Variants in TBC1D19 observed in about 807,000 individuals in gnomAD.
The protein encoded by TBC1D19 is TBC1 domain family, member 19.
In TBC1D19, 60 loss-of-function variants were observed where a neutral mutation model predicts 89.0. That is an observed-to-expected ratio of 0.67 (90% confidence interval 0.55 to 0.84). The LOEUF is 0.84. Ranked by LOEUF, TBC1D19 falls within the 40% of genes least tolerant of loss-of-function variation. The pLI is 0.00. For synonymous variants in TBC1D19, 189 were observed against 199.7 expected (o/e 0.95, Z 0.45); for missense variants, 500 against 610.8 (o/e 0.82, Z 1.91).
At chr4:26,820,000 T>C in the TBC1D19 span, among the ~76,000 whole-genome samples, 1 of 152,218 alleles carries the variant, frequency 6.6e-6, no homozygotes, top group African/African-American at 2.4e-5. Context: ...CCATTCCTAC[T>C]CTAAAATTGC....
intron 13 of TBC1D19, among the ~76,000 whole-genome samples, chr4:26,716,774 TTTTG>T (rs1461016338): frequency 6.6e-6 from 1 of 152,064 alleles, no homozygotes; most frequent in Non-Finnish European, 1.5e-5. Flanking sequence ...CTGTTTCCCC[TTTTG>T]TTTATCATCT....
chr4:26,716,464 A>G (rs1034368296), intron 13 of TBC1D19, among the ~76,000 whole-genome samples: 31 of 152,146 alleles, frequency 2.0e-4, no homozygotes, highest in African/African-American at 7.0e-4. Context: ...CAGTTTTTGG[A>G]ATTTAAATAA....
At chr4:26,646,035 A>C (rs1489767333) in intron 7 of TBC1D19, among the ~76,000 whole-genome samples, 2 of 148,862 alleles carry the variant, frequency 1.3e-5, no homozygotes, top group Admixed American at 6.7e-5. Context: ...AGGCAGGAGA[A>C]TGGCGTGACC....
At chr4:26,686,790 A>T (rs1666019565) in intron 12 of TBC1D19, among the ~76,000 whole-genome samples, 1 of 152,190 alleles carries the variant, frequency 6.6e-6, no homozygotes, top group East Asian at 1.9e-4. Flanking sequence ...CTGTGTCATT[A>T]TGGTTTTTTC....
At chr4:26,835,501 G>T in the TBC1D19 span, among the ~76,000 whole-genome samples, 1 of 152,126 alleles carries the variant, frequency 6.6e-6, no homozygotes, top group African/African-American at 2.4e-5. Flanking sequence ...CTACATTTTC[G>T]ATCTCAGCAG....
chr4:26,724,300 T>C (rs1717163237), intron 15 of TBC1D19, among the ~76,000 whole-genome samples: 1 of 152,198 alleles, frequency 6.6e-6, no homozygotes, highest in Non-Finnish European at 1.5e-5. Context: ...ATTATTTTTT[T>C]TCCTGTGAAT....
downstream of TBC1D19, among the ~76,000 whole-genome samples, chr4:26,759,380 A>G (rs984934859): frequency 2.0e-5 from 3 of 152,216 alleles, no homozygotes; most frequent in Non-Finnish European, 4.4e-5. Context: ...AAAAGGAAAG[A>G]ATATTTTCAG....
intron 12 of TBC1D19, among the ~76,000 whole-genome samples, chr4:26,684,173 G>A (rs1713605132): frequency 1.3e-5 from 2 of 152,006 alleles, no homozygotes; most frequent in African/African-American, 4.8e-5. Flanking sequence ...CTAGACATAT[G>A]GCTAAGTATA....
intron 15 of TBC1D19, among the ~76,000 whole-genome samples, chr4:26,729,144 A>G (rs1419320622): frequency 6.6e-6 from 1 of 152,254 alleles, no homozygotes; most frequent in Non-Finnish European, 1.5e-5. Context: ...GAGTTAGATA[A>G]TACATCAGAG....
the TBC1D19 span, among the ~76,000 whole-genome samples, chr4:26,791,243 A>G: frequency 6.6e-6 from 1 of 152,200 alleles, no homozygotes; most frequent in Non-Finnish European, 1.5e-5. Context: ...GTGGAGGAGA[A>G]TAAACAGCAC....
chr4:26,643,187 C>T (rs186423740), intron 7 of TBC1D19, among the ~76,000 whole-genome samples: 3 of 152,190 alleles, frequency 2.0e-5, no homozygotes, highest in Non-Finnish European at 2.9e-5. Flanking sequence ...GTAAAGCACT[C>T]CTCAGCAAAT....
intron 1 of TBC1D19, among the ~76,000 whole-genome samples, chr4:26,600,360 G>A (rs565697965): frequency 6.6e-6 from 1 of 152,278 alleles, no homozygotes; most frequent in South Asian, 2.1e-4. Context: ...GAATAATGGT[G>A]TACAGGATTA....
the TBC1D19 span, among the ~76,000 whole-genome samples, chr4:26,816,185 T>C: frequency 4.9e-4 from 75 of 152,300 alleles, no homozygotes; most frequent in African/African-American, 1.3e-3. Context: ...AAACTTTACC[T>C]ATAAAAACAG....
At chr4:26,603,035 A>C (rs1740737751) in intron 1 of TBC1D19, among the ~76,000 whole-genome samples, 1 of 152,170 alleles carries the variant, frequency 6.6e-6, no homozygotes, top group African/African-American at 2.4e-5. Flanking sequence ...GACTGACAAA[A>C]AATTATTGTT....
intron 15 of TBC1D19, among the ~76,000 whole-genome samples, chr4:26,723,016 A>AG (rs1055534221): frequency 2.6e-4 from 39 of 152,302 alleles, no homozygotes; most frequent in African/African-American, 8.9e-4. Flanking sequence ...AAGAAAGGAA[A>AG]GTAGTTAATG....
chr4:26,592,931 T>C (rs997892843), intron 1 of TBC1D19, among the ~76,000 whole-genome samples: 7 of 152,002 alleles, frequency 4.6e-5, no homozygotes, highest in Non-Finnish European at 1.0e-4. Context: ...ATTTATAGAT[T>C]CAATGCCATC....
chr4:26,627,237 G>A (rs1230586751), intron 4 of TBC1D19, among the ~76,000 whole-genome samples: 1 of 151,758 alleles, frequency 6.6e-6, no homozygotes, highest in Admixed American at 6.6e-5. Flanking sequence ...TTTTATGGCT[G>A]CATAGTATTC....
chr4:26,582,856 T>G (rs1739144650), upstream of TBC1D19, among the ~76,000 whole-genome samples: 1 of 152,176 alleles, frequency 6.6e-6, no homozygotes, highest in Non-Finnish European at 1.5e-5. Flanking sequence ...AATGTCAGAG[T>G]GCTGTGCATA....
intron 1 of TBC1D19, among the ~76,000 whole-genome samples, chr4:26,598,881 T>C (rs140965717): frequency 5.7e-4 from 86 of 151,408 alleles, no homozygotes; most frequent in Middle Eastern, 3.4e-3. Context: ...TGGGCAAGGA[T>C]AGAAAGAAAT....
Sources: gnomAD v4.1 joint callset for allele counts (sites outside exome capture counted in the v4.1 genomes callset) on GRCh38, gnomAD v4.1.1 for gene constraint, MANE v1.5 for transcripts, NCBI Gene and HGNC (gene_info 2026-07-23, HGNC 2026-07-21) for gene names.